The following RNF157 variants were observed in gnomAD, a reference collection of about 807,000 sequenced individuals.
RNF157 encodes the protein E3 ubiquitin ligase RNF157.
In RNF157, 55 loss-of-function variants were observed where a neutral mutation model predicts 88.3. That is an observed-to-expected ratio of 0.62 (90% confidence interval 0.50 to 0.78). The LOEUF (loss-of-function observed/expected upper bound fraction) is 0.78. Among genes scored for constraint, RNF157 ranks in the 30% least tolerant of loss-of-function variants. The probability of loss-of-function intolerance (pLI) is 0.00; values close to 1 mark genes in which losing one functional copy is unlikely to be tolerated. For synonymous variants in RNF157, 334 were observed against 341.2 expected, an observed-to-expected ratio of 0.98 and a Z score of 0.23; for missense variants, 788 against 860.8, an observed-to-expected ratio of 0.92 and a Z score of 1.06.
At chr17:76,159,220 A>G in intron 12 of RNF157, 115 bp downstream of exon 12, 2 of 858,220 alleles carry the variant, frequency 2.3e-6, no homozygotes, top group Non-Finnish European at 3.8e-6. Flanking sequence ...AGCTCTGGGA[A>G]CAGCCCAGAG....
At chr17:76,234,446 C>T (rs1003110057) in intron 1 of RNF157, among the ~76,000 whole-genome samples, 51 of 152,212 alleles carry the variant, frequency 3.4e-4, no homozygotes, top group African/African-American at 1.2e-3. Flanking sequence ...AACTGTCAAA[C>T]CGTTTTCCAA....
chr17:76,239,837 C>G (rs1441138037), intron 1 of RNF157, among the ~76,000 whole-genome samples: 2 of 152,118 alleles, frequency 1.3e-5, no homozygotes, highest in Non-Finnish European at 1.5e-5. Flanking sequence ...CCCCGCTCCC[C>G]AGGAGCCTCG....
chr17:76,202,128 T>TCTCTCTCTCACA lies in RNF157; in HGVS notation c.207+10235_207+10236insTGTGAGAGAGAG, dbSNP rs1250661867. On this transcript the variant is annotated intron_variant, in intron 2 of 18. Transcript: ENST00000269391. ...ATCTCAGTTTCTCTCTCTCTCTCTC[T>TCTCTCTCTCACA]CACACACACACACACACACACACAC... Among the ~76,000 whole-genome samples the TCTCTCTCTCACA allele has an allele frequency of 5.0e-3, 678 of 134,620 alleles. 5 individuals are homozygous for TCTCTCTCTCACA. Among genetic ancestry groups the TCTCTCTCTCACA allele is most frequent in the African/African-American group, 0.016 (525 of 32,030 alleles). 88.3% of individuals were successfully genotyped at this position (134,620 alleles called of 152,430 possible). A position where few individuals can be genotyped will look rare whatever the true frequency, so the allele number is the denominator to read the frequency against.
chr17:76,163,713 CAA>C (rs1568031344), intron 8 of RNF157: 1 of 152,192 alleles, frequency 6.6e-6, no homozygotes, highest in Non-Finnish European at 1.5e-5. Flanking sequence ...GCCAATCTAA[CAA>C]GAGGAAAATG....
intron 1 of RNF157, among the ~76,000 whole-genome samples, chr17:76,217,959 A>T (rs866230968): frequency 1.3e-5 from 2 of 152,254 alleles, no homozygotes; most frequent in Non-Finnish European, 2.9e-5. Flanking sequence ...ACAAGTACAT[A>T]GTTTTAGTTT....
rs147079862 is a variant in RNF157, at chr17:76,206,090, G to A, written c.207+6274C>T. ...ATAGAAATTTTTTTTAAAAAGCCAG[G>A]CATGGTGGGGCGTGCTTGTAGTCCC... On this transcript the variant is annotated intron_variant, in intron 2 of 18. Coordinates refer to ENST00000269391, the MANE Select transcript of RNF157 (RefSeq NM_052916.3). 3.8e-3 allele frequency among the ~76,000 whole-genome samples: 578 copies of A among 152,158 alleles called. 5 individuals carry two copies. Among genetic ancestry groups the A allele is most frequent in the Non-Finnish European group, 6.1e-3 (413 of 68,006 alleles).
chr17:76,235,720 C>T (rs2070271802), intron 1 of RNF157, among the ~76,000 whole-genome samples: 1 of 152,150 alleles, frequency 6.6e-6, no homozygotes, highest in Non-Finnish European at 1.5e-5. Context: ...AGATGTGATA[C>T]ATCTATGGCT....
chr17:76,196,546 G>T (rs1426779476), intron 2 of RNF157, among the ~76,000 whole-genome samples: 2 of 152,146 alleles, frequency 1.3e-5, no homozygotes, highest in East Asian at 3.8e-4. Context: ...GTCAGCCCTA[G>T]GTAAATGGAT....
rs952229263 is a variant in RNF157, at chr17:76,240,464, C to A, written c.-224G>T. ...TGCCAAGGGGGCTGCGGGTCTGGGC[C>A]GGGGGCGCCGCCGCCGCCTCAGGCC... On this transcript the variant is annotated 5_prime_UTR_variant, in exon 1 of 19. Transcript: ENST00000269391. This position sits in a 1 kb window ranked among gnomAD's most constrained non-coding sequence, Gnocchi z 4.4. The A allele has an allele frequency of 1.4e-5, 2 of 146,576 alleles. No homozygotes were observed. The highest frequency in any genetic ancestry group is 2.5e-5 in the African/African-American group (1 of 40,802). 9.1% of individuals were successfully genotyped at this position (146,576 alleles called of 1,614,324 possible).
At position 76,161,860 on chromosome 17, in the gene RNF157, C is replaced by CAGTT; in HGVS notation, c.931_934dup (p.Cys312Ter). 1.2e-6 allele frequency: 2 copies of CAGTT among 1,614,110 alleles called. No individual in the cohort carries two copies. Among genetic ancestry groups the CAGTT allele is most frequent in the Non-Finnish European group, 1.7e-6 (2 of 1,179,956 alleles). Reference sequence around the variant, plus strand: ...GGGCTTACGCAGTCGGCAGATGGGGCAGTTGTTGGCCTGGTAGCGCAGCGT... The same window carrying CAGTT: ...GGGCTTACGCAGTCGGCAGATGGGGCAGTTAGTTGTTGGCCTGGTAGCGCAGCGT... On this transcript the variant is annotated stop_gained and frameshift_variant, in exon 10 of 19. Transcript: ENST00000269391. LOFTEE classifies it high-confidence loss of function. The surrounding 1 kb of genome is among the most constrained non-coding windows in gnomAD (Gnocchi z 4.6).
chr17:76,171,224 T>C (rs1598401726), intron 3 of RNF157, among the ~76,000 whole-genome samples: 2 of 151,636 alleles, frequency 1.3e-5, no homozygotes, highest in Admixed American at 1.3e-4. Flanking sequence ...AGTCTCACTC[T>C]GTCACCCAGA....
rs1223803762 is a variant in RNF157, at chr17:76,143,413, C to G, written c.*1822G>C. On this transcript the variant is annotated 3_prime_UTR_variant, in exon 19 of 19. Coordinates refer to ENST00000269391, the MANE Select transcript of RNF157 (RefSeq NM_052916.3). ...CAGGAGGTGGTCTGTGTGCCACCAC[C>G]CCAGGGTAAGGGAAGCTCCCTGTCA... The G allele has an allele frequency of 6.6e-6, 1 of 152,250 alleles. No individual in the cohort carries two copies. The highest frequency in any genetic ancestry group is 1.5e-5 in the Non-Finnish European group (1 of 68,084). The allele number at this position is 152,250 out of a possible 1,614,324, so 9.4% of individuals were successfully genotyped here.
At chr17:76,150,229 A>G (rs1180199009) in intron 18 of RNF157, among the ~76,000 whole-genome samples, 3 of 151,990 alleles carry the variant, frequency 2.0e-5, no homozygotes, top group African/African-American at 7.3e-5. Flanking sequence ...TAACATGCCT[A>G]TACCTGAGGC....
At position 76,208,287 on chromosome 17, in the gene RNF157, A is replaced by T. The variant is rs542768607; in HGVS notation, c.207+4077T>A. ...TGAAGATCTACACAATGGACTCACA[A>T]ACAGGATGTGGGCAGAGTTTCTGAG... On this transcript the variant is annotated intron_variant, in intron 2 of 18. Transcript: ENST00000269391. Among the ~76,000 whole-genome samples the T allele has an allele frequency of 2.6e-5, 4 of 152,320 alleles. No individual in the cohort carries two copies. In the South Asian group the frequency reaches 8.3e-4, roughly 32 times the overall value.
chr17:76,162,415 A>G (rs1242729867), intron 9 of RNF157, 137 bp downstream of exon 9: 22 of 700,492 alleles, frequency 3.1e-5, no homozygotes, highest in Non-Finnish European at 5.5e-5. Flanking sequence ...TAATGATCTG[A>G]AATGAGGAAC....
chr17:76,183,359 G>A (rs2069229693), intron 2 of RNF157, among the ~76,000 whole-genome samples: 1 of 152,186 alleles, frequency 6.6e-6, no homozygotes, highest in Non-Finnish European at 1.5e-5. Context: ...CAATTCTGAT[G>A]CAGGTAGGTT....
In RNF157 at chr17:76,147,196, A is replaced by G. The variant is rs527579785; in HGVS notation, c.1922-1843T>C. 123 of 984,938 alleles carry G rather than the reference A, an allele frequency of 1.2e-4. 1 individual carries two copies. In the South Asian group the frequency reaches 4.8e-3, roughly 38 times the overall value. 61.0% of individuals were successfully genotyped at this position (984,938 alleles called of 1,614,324 possible). On this transcript the variant is annotated intron_variant, in intron 18 of 18. Coordinates refer to ENST00000269391, the MANE Select transcript of RNF157 (RefSeq NM_052916.3). ...AGGATAAATATAAGGCAATATTAAT[A>G]TTGCCTTTAAAGTGAAGAACCCAAA... is the stretch of plus-strand genomic sequence containing the variant.
intron 2 of RNF157, chr17:76,211,787 TG>T (rs1442035991): frequency 6.6e-6 from 1 of 152,292 alleles, no homozygotes; most frequent in Non-Finnish European, 1.5e-5. Context: ...GCCTCCTGCA[TG>T]ATGCAGAGAA....
intron 1 of RNF157, among the ~76,000 whole-genome samples, chr17:76,212,954 G>A (rs1264639154): frequency 6.6e-6 from 1 of 152,114 alleles, no homozygotes; most frequent in Non-Finnish European, 1.5e-5. Flanking sequence ...TGGGACAATG[G>A]CACAAAATAA....
Sources: allele counts gnomAD v4.1 joint callset (sites outside exome capture counted in the v4.1 genomes callset), GRCh38; gene constraint gnomAD v4.1.1; non-coding constraint Gnocchi (gnomAD v3.1); transcripts MANE v1.5; gene names NCBI Gene and HGNC (gene_info 2026-07-23, HGNC 2026-07-21).